RIMS3: variants seen among roughly 807,000 people sequenced by gnomAD.
RIMS3 encodes the protein regulating synaptic membrane exocytosis 3, also known as regulating synaptic membrane exocytosis protein 3.
In RIMS3, 15 loss-of-function variants were observed where a neutral mutation model predicts 29.2. That is an observed-to-expected ratio of 0.51 (90% CI 0.34 to 0.79). The LOEUF (loss-of-function observed/expected upper bound fraction) is 0.79, where lower values mean the gene tolerates loss of function less well. Among genes scored for constraint, RIMS3 ranks in the 30% least tolerant of loss-of-function variants. The pLI is 0.01. For missense variants in RIMS3, 342 were observed against 421.4 expected (o/e 0.81, Z 1.65); for synonymous variants, 161 against 170.1 (o/e 0.95, Z 0.41).
Position 40,654,500 on chromosome 1 carries a change from C to T in RIMS3, c.-206-6658G>A, listed in dbSNP as rs1178269232. On this transcript the variant is annotated intron_variant, in intron 1 of 7. Coordinates refer to ENST00000372684, the MANE Select transcript of RIMS3 (RefSeq NM_014747.3). This position sits in a 1 kb window ranked among gnomAD's most constrained non-coding sequence, Gnocchi z 5.3. The stretch of plus-strand genomic sequence containing the variant: ...AAGATGACGTACACAAAACAACAGG[C>T]ACACACCACACCCAGCAGGCAATCC... Among the ~76,000 whole-genome samples, 1 of 152,138 alleles carries T rather than the reference C, an allele frequency of 6.6e-6. No homozygotes were observed. The highest frequency in any genetic ancestry group is 1.5e-5 in the Non-Finnish European group (1 of 68,028).
In RIMS3 at chr1:40,656,854, G is replaced by A. The variant is rs115987025; in HGVS notation, c.-207+8540C>T. The stretch of plus-strand genomic sequence containing the variant: ...TTCTCCCTTGGACAATCTTGGACTT[G>A]ATATCGTTGAGAGGGAACCAACTTT... On this transcript the variant is annotated intron_variant, in intron 1 of 7. Transcript: ENST00000372684. Among the ~76,000 whole-genome samples the A allele has an allele frequency of 5.4e-3, 812 of 150,156 alleles. 11 individuals carry two copies. Among genetic ancestry groups the A allele is most frequent in the African/African-American group, 0.019 (762 of 41,052 alleles).
the RIMS3 span, among the ~76,000 whole-genome samples, chr1:40,689,141 C>G: frequency 0.79 from 119,662 of 152,196 alleles, 47,676 homozygotes; most frequent in African/African-American, 0.9. Context: ...TGTCAGCTGT[C>G]GCTCTGCACA....
intron 1 of RIMS3, among the ~76,000 whole-genome samples, chr1:40,664,861 A>T (rs539803816): frequency 1.3e-5 from 2 of 152,044 alleles, no homozygotes; most frequent in Non-Finnish European, 2.9e-5. Context: ...CATGCTGCTG[A>T]CCAACTGCAT....
chr1:40,633,618 T>C (rs779307230), intron 4 of RIMS3, among the ~76,000 whole-genome samples: 4 of 152,152 alleles, frequency 2.6e-5, no homozygotes, highest in Non-Finnish European at 4.4e-5. Context: ...AAGTCAAACA[T>C]GAGGTGGTGC....
At chr1:40,644,756 C>T (rs547443617) in intron 2 of RIMS3, among the ~76,000 whole-genome samples, 27 of 152,356 alleles carry the variant, frequency 1.8e-4, no homozygotes, top group Non-Finnish European at 2.4e-4. Flanking sequence ...GCTCTGCACC[C>T]AGCACCCTAC....
At chr1:40,683,099 C>G in the RIMS3 span, among the ~76,000 whole-genome samples, 1 of 152,094 alleles carries the variant, frequency 6.6e-6, no homozygotes, top group Non-Finnish European at 1.5e-5. Context: ...TTTCACCTCT[C>G]TAGCTCAGAG....
chr1:40,641,793 G>A lies in RIMS3; in HGVS notation c.133C>T (p.Arg45Trp). The change falls in exon 3 of 8, where the codon CGG becomes TGG. Residue 45 changes from arginine (R) to tryptophan (W), a missense_variant. Transcript: ENST00000372684. ...ATCTTGGCACCCAGGCTGCTCCGCC[G>A]CTTCTTGGCGGTGGTGGTCCCAGCC... ...GGAGTTTAKK[R>W]RSSLGAKMVA... 1 of 1,612,784 alleles carries A rather than the reference G, an allele frequency of 6.2e-7. No individual in the cohort carries two copies. Among genetic ancestry groups the A allele is most frequent in the Non-Finnish European group, 8.5e-7 (1 of 1,178,862 alleles).
chr1:40,641,601 T>TA, intron 3 of RIMS3, 108 bp downstream of exon 3: 2 of 1,069,046 alleles, frequency 1.9e-6, no homozygotes, highest in Non-Finnish European at 2.8e-6. Context: ...GGCCACAGTA[T>TA]AAGTGTCTGT....
intron 3 of RIMS3, among the ~76,000 whole-genome samples, chr1:40,638,130 C>T (rs1290742221): frequency 1.3e-5 from 2 of 152,108 alleles, no homozygotes; most frequent in African/African-American, 2.4e-5. Context: ...CTTTGGCTAC[C>T]CCTCCCCCAA....
At chr1:40,644,891 A>G (rs984135205) in intron 2 of RIMS3, among the ~76,000 whole-genome samples, 3 of 152,226 alleles carry the variant, frequency 2.0e-5, no homozygotes, top group African/African-American at 7.2e-5. Context: ...TCAAAAGGAC[A>G]CAGAAAGGGG....
chr1:40,635,764 T>G lies in RIMS3; in HGVS notation c.359+152A>C. On this transcript the variant is annotated intron_variant, in intron 4 of 7. Transcript: ENST00000372684. This position sits in a 1 kb window ranked among gnomAD's most constrained non-coding sequence, Gnocchi z 4.1. The stretch of plus-strand genomic sequence containing the variant: ...GACCTGAGGTCCAGGCACAGAGTGT[T>G]GAGGGGAGGGGTATGAAGGAAGGCA... 1 of 944,858 alleles carries G rather than the reference T, an allele frequency of 1.1e-6. No individual in the cohort carries two copies. The highest frequency in any genetic ancestry group is 1.6e-6 in the Non-Finnish European group (1 of 622,350). The allele number at this position is 944,858 out of a possible 1,614,324, so 58.5% of individuals were successfully genotyped here.
At chr1:40,642,418 T>C (rs777763975) in intron 2 of RIMS3, among the ~76,000 whole-genome samples, 12 of 152,212 alleles carry the variant, frequency 7.9e-5, no homozygotes, top group Non-Finnish European at 1.6e-4. Flanking sequence ...TTGGTGGTTA[T>C]TATTTTCATA....
At chr1:40,648,147 T>C (rs1467080376) in intron 1 of RIMS3, among the ~76,000 whole-genome samples, 2 of 152,090 alleles carry the variant, frequency 1.3e-5, no homozygotes, top group Non-Finnish European at 2.9e-5. Context: ...TATCCTTCCT[T>C]CCTCCAACCT....
At chr1:40,655,345 C>A (rs1011464258) in intron 1 of RIMS3, among the ~76,000 whole-genome samples, 4 of 152,076 alleles carry the variant, frequency 2.6e-5, no homozygotes, top group Non-Finnish European at 5.9e-5. Flanking sequence ...GGGTATGCAG[C>A]CCCTACTCCC....
chr1:40,677,189 G>T, the RIMS3 span, among the ~76,000 whole-genome samples: 1 of 151,656 alleles, frequency 6.6e-6, no homozygotes, highest in Non-Finnish European at 1.5e-5. Context: ...ATTTTTAGTA[G>T]AAATGGGGTT....
Position 40,628,904 on chromosome 1 carries a change from G to A in RIMS3, c.620C>T (p.Ala207Val). The change falls in exon 7 of 8, where the codon GCC (alanine) becomes GTC (valine). Residue 207 changes from alanine (A) to valine (V), a missense_variant. Physicochemically the swap from Ala to Val is moderately conservative, Grantham distance 64. Coordinates refer to ENST00000372684, the MANE Select transcript of RIMS3 (RefSeq NM_014747.3). ...VYLLENGACL[A>V]KKKTKMTKKT... ...CTTGGTCATCTTTGTCTTCTTCTTG[G>A]CCAAGCAGGCCCCATTCTCCAGCAG... 6.2e-7 allele frequency: 1 copy of A among 1,613,692 alleles called. No individual in the cohort carries two copies. The highest frequency in any genetic ancestry group is 8.5e-7 in the Non-Finnish European group (1 of 1,180,014).
Position 40,635,742 on chromosome 1 carries a change from C to A in RIMS3, c.359+174G>T, listed in dbSNP as rs1332659119. Among the ~76,000 whole-genome samples, 1 of 152,170 alleles carries A rather than the reference C, an allele frequency of 6.6e-6. No individual in the cohort carries two copies. The highest frequency in any genetic ancestry group is 1.5e-5 in the Non-Finnish European group (1 of 68,030). ...TATTCCAATGGGAGCAATGGAAGAC[C>A]TGAGGTCCAGGCACAGAGTGTTGAG... On this transcript the variant is annotated intron_variant, in intron 4 of 7. Coordinates refer to ENST00000372684, the MANE Select transcript of RIMS3 (RefSeq NM_014747.3). The surrounding 1 kb of genome is among the most constrained non-coding windows in gnomAD (Gnocchi z 4.1).
intron 1 of RIMS3, among the ~76,000 whole-genome samples, chr1:40,655,155 G>T (rs974073897): frequency 1.3e-5 from 2 of 152,154 alleles, no homozygotes; most frequent in Admixed American, 1.3e-4. Context: ...GACAAAGCGG[G>T]GAGTAGGGGA....
chr1:40,630,529 C>T (rs1034144080), intron 5 of RIMS3, among the ~76,000 whole-genome samples: 9 of 152,144 alleles, frequency 5.9e-5, no homozygotes, highest in African/African-American at 9.7e-5. Context: ...TTGTGTACTA[C>T]GGAAGATGGG....
Sources: allele counts gnomAD v4.1 joint callset (sites outside exome capture counted in the v4.1 genomes callset), GRCh38; gene constraint gnomAD v4.1.1; non-coding constraint Gnocchi (gnomAD v3.1); transcripts MANE v1.5; gene names NCBI Gene and HGNC (gene_info 2026-07-23, HGNC 2026-07-21).